The following DIAPH1 variants were observed in gnomAD, a reference collection of about 807,000 sequenced individuals.
The protein encoded by DIAPH1 is protein diaphanous homolog 1.
Under a neutral mutation model 140.7 loss-of-function variants are expected in DIAPH1, and 46 were observed. The ratio of observed to expected loss-of-function variants is 0.33; its 90% confidence interval spans 0.26 to 0.42. The LOEUF (loss-of-function observed/expected upper bound fraction) is 0.42, where lower values mean the gene tolerates loss of function less well. DIAPH1 is among the 10% of genes least tolerant of loss of function. The probability of loss-of-function intolerance (pLI) is 1.00; values close to 1 mark genes in which losing one functional copy is unlikely to be tolerated. For synonymous variants in DIAPH1, 565 were observed against 551.6 expected (o/e 1.02, Z -0.34); for missense variants, 1,310 against 1,558.7 (o/e 0.84, Z 2.69).
intron 18 of DIAPH1, among the ~76,000 whole-genome samples, chr5:141,568,948 AG>A (rs2154596129): frequency 6.6e-6 from 1 of 152,212 alleles, no homozygotes; most frequent in Non-Finnish European, 1.5e-5. Flanking sequence ...CAACTGGATT[AG>A]TTTTGCTAGA....
chr5:141,529,324 A>C, intron 20 of DIAPH1, 51 bp from the exon 21 acceptor site: 177 of 1,420,136 alleles, frequency 1.2e-4, no homozygotes, highest in Non-Finnish European at 1.6e-4. Context: ...CTAACAACTC[A>C]AGCCTAAACA....
chr5:141,521,428 C>T (rs982763273), intron 27 of DIAPH1, among the ~76,000 whole-genome samples: 1 of 152,200 alleles, frequency 6.6e-6, no homozygotes, highest in African/African-American at 2.4e-5. Flanking sequence ...CCCCTTGACA[C>T]TCCAACCATT....
intron 19 of DIAPH1, among the ~76,000 whole-genome samples, chr5:141,533,074 T>C (rs887922954): frequency 1.3e-5 from 2 of 152,350 alleles, no homozygotes; most frequent in East Asian, 3.9e-4. Flanking sequence ...TGGGTATGTG[T>C]ACTTATTGGC....
At chr5:141,534,563 AAACT>A in intron 18 of DIAPH1, 130 bp from the exon 19 acceptor site, 1 of 720,060 alleles carries the variant, frequency 1.4e-6, no homozygotes, top group Non-Finnish European at 2.4e-6. Flanking sequence ...TATTCCTTCA[AAACT>A]AACCTCCTCT....
chr5:141,552,108 G>A (rs1284986900), intron 18 of DIAPH1, among the ~76,000 whole-genome samples: 2 of 152,128 alleles, frequency 1.3e-5, no homozygotes, highest in Non-Finnish European at 2.9e-5. Context: ...GACTTTGCAG[G>A]CATGATTTAA....
intron 3 of DIAPH1, among the ~76,000 whole-genome samples, chr5:141,585,505 G>T (rs2099897400): frequency 1.3e-5 from 2 of 152,056 alleles, no homozygotes; most frequent in South Asian, 4.2e-4. Flanking sequence ...AGTATCAATA[G>T]TAAGGATAAA....
chr5:141,561,275 C>A lies in DIAPH1; in HGVS notation c.2482+10153G>T, dbSNP rs377631603. On this transcript the variant is annotated intron_variant, in intron 18 of 27. Coordinates refer to ENST00000389054, the MANE Select transcript of DIAPH1 (RefSeq NM_005219.5). ...GATCAGGAGGAAAGAATGGTTCCAT[C>A]CCATCTTGCAGAAATGGGGTTACCA... Among the ~76,000 whole-genome samples, 7 of 151,994 alleles carry A rather than the reference C, an allele frequency of 4.6e-5. No homozygotes were observed. The East Asian group carries it at 7.7e-4, about 17-fold the overall frequency.
chr5:141,571,408 A>T lies in DIAPH1; in HGVS notation c.2482+20T>A. 1 of 1,598,410 alleles carries T rather than the reference A, an allele frequency of 6.3e-7. No individual in the cohort carries two copies. The highest frequency in any genetic ancestry group is 8.5e-7 in the Non-Finnish European group (1 of 1,171,580). On this transcript the variant is annotated intron_variant, in intron 18 of 27. Transcript: ENST00000389054. The stretch of plus-strand genomic sequence containing the variant: ...CTAATATTCAAGAGACCAAACTAAA[A>T]GGCTCTTTTGTATTCTTACCTTTGG...
chr5:141,554,300 GAAT>G (rs932550532), intron 18 of DIAPH1, among the ~76,000 whole-genome samples: 44 of 152,018 alleles, frequency 2.9e-4, no homozygotes, highest in African/African-American at 1.0e-3. Context: ...CCAAAAAAAG[GAAT>G]AATATCATAC....
intron 22 of DIAPH1, 47 bp downstream of exon 22, chr5:141,528,655 A>C: frequency 6.2e-7 from 1 of 1,614,250 alleles, no homozygotes; most frequent in Non-Finnish European, 8.5e-7. Flanking sequence ...GAACTCATAG[A>C]GGCTACAGCC....
chr5:141,605,543 GA>G (rs1010090027), intron 1 of DIAPH1, among the ~76,000 whole-genome samples: 2 of 152,164 alleles, frequency 1.3e-5, no homozygotes, highest in African/African-American at 4.8e-5. Context: ...TTTGCTTAAG[GA>G]AACACTCCTG....
chr5:141,574,671 AAC>A (rs753575649), intron 15 of DIAPH1, among the ~76,000 whole-genome samples: 7 of 152,180 alleles, frequency 4.6e-5, no homozygotes, highest in South Asian at 2.1e-4. Context: ...GTCAATTTTT[AAC>A]AGTTTAGTTT....
intron 18 of DIAPH1, among the ~76,000 whole-genome samples, chr5:141,553,812 A>G (rs1444998385): frequency 6.6e-6 from 1 of 152,244 alleles, no homozygotes; most frequent in East Asian, 1.9e-4. Flanking sequence ...TGAAATCTGT[A>G]GCAGAGGGGA....
At chr5:141,544,169 G>A (rs1462616124) in intron 18 of DIAPH1, among the ~76,000 whole-genome samples, 1 of 152,056 alleles carries the variant, frequency 6.6e-6, no homozygotes, top group Non-Finnish European at 1.5e-5. Context: ...AATTAGCCGG[G>A]CGTGGTGGCG....
intron 8 of DIAPH1, among the ~76,000 whole-genome samples, chr5:141,579,947 CAA>C (rs796966377): frequency 3.9e-5 from 3 of 76,174 alleles, no homozygotes; most frequent in Non-Finnish European, 2.7e-5. Context: ...GCCTCCGTCT[CAA>C]AAAAAAAAAA....
chr5:141,583,369 C>A lies in DIAPH1; in HGVS notation c.534-77G>T. The A allele has an allele frequency of 2.5e-6, 4 of 1,603,392 alleles. No individual in the cohort carries two copies. The South Asian group carries it at 4.4e-5, about 18-fold the overall frequency. On this transcript the variant is annotated intron_variant, in intron 5 of 27. Transcript: ENST00000389054. Reference sequence around the variant, plus strand: ...TGCCAAACAAAGTTTATCCTGACAACTTACTACTCCCAATTCAGACTATTC... The same window carrying A: ...TGCCAAACAAAGTTTATCCTGACAAATTACTACTCCCAATTCAGACTATTC...
chr5:141,521,129 C>A (rs540487690), intron 27 of DIAPH1, among the ~76,000 whole-genome samples: 8 of 152,198 alleles, frequency 5.3e-5, no homozygotes, highest in African/African-American at 1.4e-4. Context: ...TGGTTTTAAT[C>A]CCTTTCCCTA....
intron 18 of DIAPH1, among the ~76,000 whole-genome samples, chr5:141,569,855 A>G (rs1192188334): frequency 1.3e-5 from 2 of 152,202 alleles, no homozygotes; most frequent in African/African-American, 2.4e-5. Flanking sequence ...GCACTGAAGT[A>G]AAGTATACTT....
In DIAPH1 at chr5:141,528,496, G is replaced by T; in HGVS notation, c.3105C>A (p.Leu1035=). 1.2e-6 allele frequency: 2 copies of T among 1,614,190 alleles called. No homozygotes were observed. The highest frequency in any genetic ancestry group is 1.7e-6 in the Non-Finnish European group (2 of 1,180,032). ...ELCENDYPDV[L]KFPDELAHVE... Reference sequence around the variant, plus strand: ...CATGGGCAAGCTCGTCTGGAAACTTGAGGACATCGGGATAGTCATTCTCAC... The same window carrying T: ...CATGGGCAAGCTCGTCTGGAAACTTTAGGACATCGGGATAGTCATTCTCAC... Residue 1035 remains leucine, a synonymous_variant, in exon 23 of 28, where the codon CTC becomes CTA. Transcript: ENST00000389054.
Sources: allele counts gnomAD v4.1 joint callset (sites outside exome capture counted in the v4.1 genomes callset), GRCh38; gene constraint gnomAD v4.1.1; transcripts MANE v1.5; gene names NCBI Gene and HGNC (gene_info 2026-07-23, HGNC 2026-07-21).